Variants in SORD observed in about 807,000 individuals in gnomAD.
SORD encodes the protein sorbitol dehydrogenase.
Under a neutral mutation model 35.6 loss-of-function variants are expected in SORD, and 18 were observed. The ratio of observed to expected loss-of-function variants is 0.51; its 90% CI spans 0.35 to 0.75. The LOEUF (loss-of-function observed/expected upper bound fraction) is 0.75, where lower values mean the gene tolerates loss of function less well. SORD is among the 30% of genes least tolerant of loss of function. The pLI is 0.01. For missense variants in SORD, 250 were observed against 390.2 expected, an observed-to-expected ratio of 0.64 and a Z score of 3.03; for synonymous variants, 106 against 152.9, an observed-to-expected ratio of 0.69 and a Z score of 2.26.
At chr15:45,068,390 T>C (rs1405295076) in intron 6 of SORD, 144 bp downstream of exon 6, 1 of 677,476 alleles carries the variant, frequency 1.5e-6, no homozygotes, top group Non-Finnish European at 2.7e-6. Flanking sequence ...TAGAAGAGTG[T>C]GAGTGTGTGT....
At chr15:45,043,823 T>G (rs1222821006) in intron 3 of SORD, among the ~76,000 whole-genome samples, 1 of 150,356 alleles carries the variant, frequency 6.7e-6, no homozygotes, top group Non-Finnish European at 1.5e-5. Context: ...TGCTTTTTAT[T>G]AGATGGCTGG....
chr15:45,023,484 C>G (rs1892622279), intron 1 of SORD, 135 bp downstream of exon 1: 1 of 718,636 alleles, frequency 1.4e-6, no homozygotes, highest in South Asian at 3.0e-5. Context: ...CAGATCCCAG[C>G]TGGTTCCCCT....
At chr15:45,030,523 A>AC (rs768082301) in intron 1 of SORD, among the ~76,000 whole-genome samples, 12 of 152,376 alleles carry the variant, frequency 7.9e-5, no homozygotes, top group Non-Finnish European at 1.8e-4. Flanking sequence ...CAACTCAACA[A>AC]TTTTAAAAAA....
chr15:45,062,264 T>C (rs1157117148), intron 4 of SORD, among the ~76,000 whole-genome samples: 1 of 152,236 alleles, frequency 6.6e-6, no homozygotes, highest in African/African-American at 2.4e-5. Context: ...GGGGTCTCTG[T>C]GAGTCTCAAG....
intron 3 of SORD, among the ~76,000 whole-genome samples, chr15:45,048,742 GT>G (rs1566960832): frequency 6.6e-6 from 1 of 152,084 alleles, no homozygotes; most frequent in East Asian, 1.9e-4. Flanking sequence ...TGGAACGAAA[GT>G]TTAATAAGTG....
intron 1 of SORD, among the ~76,000 whole-genome samples, chr15:45,030,256 G>T (rs1892754221): frequency 6.6e-6 from 1 of 152,190 alleles, no homozygotes; most frequent in South Asian, 2.1e-4. Context: ...ATCACAAATA[G>T]GATTTTACCA....
chr15:45,027,068 G>C (rs1041417380), intron 1 of SORD, among the ~76,000 whole-genome samples: 8 of 152,260 alleles, frequency 5.3e-5, no homozygotes, highest in Admixed American at 5.2e-4. Flanking sequence ...AAATTGGGTG[G>C]TAAGTCAGAC....
In SORD at chr15:45,065,354, T is replaced by G. The variant is rs1893388041; in HGVS notation, c.509T>G (p.Val170Gly). The change falls in exon 5 of 9, where the codon GTT becomes GGT. Residue 170 changes from valine (V) to glycine (G), a missense_variant. Around this residue, in one of 8 missense-constraint regions of SORD, gnomAD observed 126 missense variants for 148.7 expected, o/e 0.85. Coordinates refer to ENST00000267814, the MANE Select transcript of SORD (RefSeq NM_003104.6). Reference protein sequence around the residue: ...VGIHACRRGGVTLGHKVLVCG... With the variant: ...VGIHACRRGGGTLGHKVLVCG... Reference sequence around the variant, plus strand: ...ATCCATGCCTGCAGGAGAGGCGGAGTTACCCTGGGACACAAGGTCCTTGTG... The same window carrying G: ...ATCCATGCCTGCAGGAGAGGCGGAGGTACCCTGGGACACAAGGTCCTTGTG... 17 of 1,613,316 alleles carry G rather than the reference T, an allele frequency of 1.1e-5. No individual in the cohort carries two copies. Among genetic ancestry groups the G allele is most frequent in the African/African-American group, 1.3e-5 (1 of 74,764 alleles).
intron 1 of SORD, among the ~76,000 whole-genome samples, chr15:45,028,235 C>A (rs138302891): frequency 2.0e-5 from 3 of 149,746 alleles, no homozygotes; most frequent in Non-Finnish European, 4.5e-5. Flanking sequence ...GGCTGAGGCA[C>A]GAGAATCACT....
intron 5 of SORD, among the ~76,000 whole-genome samples, chr15:45,067,136 C>T (rs1319331716): frequency 6.6e-6 from 1 of 152,122 alleles, no homozygotes; most frequent in Admixed American, 6.5e-5. Context: ...CTGAAGCAGT[C>T]GGATCACCTG....
intron 1 of SORD, among the ~76,000 whole-genome samples, chr15:45,038,121 ATCCTCCCTTCCTTCCTTCCT>A (rs1438398449): frequency 7.0e-6 from 1 of 142,860 alleles, no homozygotes; most frequent in Non-Finnish European, 1.5e-5. Flanking sequence ...CTTCCCTCGC[ATCCTCCCTTCCTTCCTTCCT>A]TCCTTCCTTC....
intron 3 of SORD, among the ~76,000 whole-genome samples, chr15:45,051,470 T>A (rs1346312231): frequency 5.3e-5 from 8 of 152,320 alleles, no homozygotes; most frequent in Admixed American, 5.2e-4. Flanking sequence ...GAAGTTTGAT[T>A]TGGGGGAGCC....
At chr15:45,051,731 T>A (rs1893127017) in intron 3 of SORD, among the ~76,000 whole-genome samples, 1 of 152,224 alleles carries the variant, frequency 6.6e-6, no homozygotes, top group Non-Finnish European at 1.5e-5. Context: ...CCAACTTTTT[T>A]AATGAAACCT....
At chr15:45,037,540 C>G (rs769818553) in intron 1 of SORD, among the ~76,000 whole-genome samples, 1 of 152,170 alleles carries the variant, frequency 6.6e-6, no homozygotes, top group Non-Finnish European at 1.5e-5. Context: ...GTGGGGTGCT[C>G]TCCCATGTTT....
chr15:45,029,726 G>A (rs1167557651), intron 1 of SORD, among the ~76,000 whole-genome samples: 2 of 152,274 alleles, frequency 1.3e-5, no homozygotes, highest in Non-Finnish European at 2.9e-5. Flanking sequence ...GAAGAATGAG[G>A]TCACGCAGAT....
At chr15:45,053,994 A>AT (rs1484668716) in intron 3 of SORD, among the ~76,000 whole-genome samples, 8 of 147,264 alleles carry the variant, frequency 5.4e-5, no homozygotes, top group Non-Finnish European at 1.2e-4. Flanking sequence ...TTATGGCTGC[A>AT]TAGTATTCCA....
intron 1 of SORD, among the ~76,000 whole-genome samples, chr15:45,038,829 G>A (rs1305750670): frequency 2.6e-5 from 4 of 152,144 alleles, no homozygotes; most frequent in African/African-American, 9.7e-5. Context: ...TTGGAAGGAG[G>A]TAAGCTTTGA....
At chr15:45,062,003 T>G (rs1029870856) in intron 4 of SORD, among the ~76,000 whole-genome samples, 1 of 152,066 alleles carries the variant, frequency 6.6e-6, no homozygotes, top group Non-Finnish European at 1.5e-5. Context: ...TCCTGGCAAG[T>G]GATTTTGGAG....
chr15:45,048,751 G>A (rs780870863), intron 3 of SORD, among the ~76,000 whole-genome samples: 7 of 152,156 alleles, frequency 4.6e-5, no homozygotes, highest in Non-Finnish European at 8.8e-5. Context: ...AGTTTAATAA[G>A]TGAAAGAAGA....
Sources: allele counts gnomAD v4.1 joint callset (sites outside exome capture counted in the v4.1 genomes callset), GRCh38; gene constraint gnomAD v4.1.1; regional missense constraint gnomAD v4.1.1; transcripts MANE v1.5; gene names NCBI Gene and HGNC (gene_info 2026-07-23, HGNC 2026-07-21).